CADPS2: variants seen among roughly 807,000 people sequenced by gnomAD.
The protein encoded by CADPS2 is calcium dependent secretion activator 2.
In CADPS2, 93 loss-of-function variants were observed where a neutral mutation model predicts 172.5. The observed-to-expected ratio is 0.54, with a 90% confidence interval of 0.46 to 0.64. The LOEUF (loss-of-function observed/expected upper bound fraction) is 0.64. Among genes scored for constraint, CADPS2 ranks in the 30% least tolerant of loss-of-function variants. The probability of loss-of-function intolerance (pLI) is 0.00; values close to 1 mark genes in which losing one functional copy is unlikely to be tolerated. For missense variants in CADPS2, 1,420 were observed against 1,565.9 expected, an observed-to-expected ratio of 0.91 and a Z score of 1.57; for synonymous variants, 546 against 555.2, an observed-to-expected ratio of 0.98 and a Z score of 0.23.
intron 7 of CADPS2, among the ~76,000 whole-genome samples, 177 bp from the exon 8 acceptor site, chr7:122,554,866 T>A (rs1372371938): frequency 7.0e-6 from 1 of 143,784 alleles, no homozygotes; most frequent in Non-Finnish European, 1.6e-5. Flanking sequence ...AGACTCAATT[T>A]ATTTTTTTGA....
chr7:122,319,340 A>G lies in CADPS2; in HGVS notation c.*825T>C, dbSNP rs1245428567. 3 of 152,216 alleles carry G rather than the reference A, an allele frequency of 2.0e-5. No individual in the cohort carries two copies. Among genetic ancestry groups the G allele is most frequent in the African/African-American group, 7.2e-5 (3 of 41,464 alleles). The allele number at this position is 152,216 out of a possible 1,614,324, so 9.4% of individuals were successfully genotyped here. A position where few individuals can be genotyped will look rare whatever the true frequency, so the allele number is the denominator to read the frequency against. ...GTCAGATAGTTGGGATGTTTGAAAC[A>G]CTGCAAACCTCTTTTACTGCATTTG... On this transcript the variant is annotated 3_prime_UTR_variant, in exon 30 of 30. Coordinates refer to ENST00000449022, the MANE Select transcript of CADPS2 (RefSeq NM_017954.11).
chr7:122,412,990 A>G (rs965691962), intron 19 of CADPS2: 1 of 152,248 alleles, frequency 6.6e-6, no homozygotes, highest in Non-Finnish European at 1.5e-5. Flanking sequence ...TTCTACTTAA[A>G]TTGCAAAACA....
At chr7:122,363,908 T>A (rs571148069) in intron 25 of CADPS2, among the ~76,000 whole-genome samples, 1 of 152,302 alleles carries the variant, frequency 6.6e-6, no homozygotes, top group East Asian at 1.9e-4. Context: ...CAATTAAATC[T>A]ATGGGGCTTC....
At chr7:122,669,664 G>A (rs188436092) in intron 2 of CADPS2, among the ~76,000 whole-genome samples, 24 of 151,916 alleles carry the variant, frequency 1.6e-4, no homozygotes, top group Admixed American at 1.2e-3. Context: ...ATCATAAGGC[G>A]GCTACATTTC....
At chr7:122,663,890 T>C (rs897146213) in intron 2 of CADPS2, among the ~76,000 whole-genome samples, 1 of 152,100 alleles carries the variant, frequency 6.6e-6, no homozygotes, top group Non-Finnish European at 1.5e-5. Flanking sequence ...TTCGTGCTCT[T>C]ATACACAGAC....
In CADPS2 at chr7:122,777,647, T is replaced by C. The variant is rs572502881; in HGVS notation, c.340-40579A>G. Reference sequence around the variant, plus strand: ...TACCTCCATGCTATTCTCATGATAGTGAGCGAGTTCTCATGAGATCTGATG... The same window carrying C: ...TACCTCCATGCTATTCTCATGATAGCGAGCGAGTTCTCATGAGATCTGATG... On this transcript the variant is annotated intron_variant, in intron 1 of 29. Coordinates refer to ENST00000449022, the MANE Select transcript of CADPS2 (RefSeq NM_017954.11). 5.9e-5 allele frequency among the ~76,000 whole-genome samples: 9 copies of C among 152,210 alleles called. No homozygotes were observed. The South Asian group carries it at 1.7e-3, about 28-fold the overall frequency.
chr7:122,535,520 AAT>A (rs749883208), intron 8 of CADPS2, among the ~76,000 whole-genome samples: 11 of 152,028 alleles, frequency 7.2e-5, no homozygotes, highest in South Asian at 2.1e-4. Flanking sequence ...CCAGATAATA[AAT>A]ATGTTTTATT....
chr7:122,382,156 C>G (rs2043092761), intron 24 of CADPS2: 1 of 152,056 alleles, frequency 6.6e-6, no homozygotes, highest in Admixed American at 6.5e-5. Flanking sequence ...AGGTAACTTT[C>G]TTTTTCTTCT....
chr7:122,705,342 A>G (rs1482312389), intron 2 of CADPS2, among the ~76,000 whole-genome samples: 1 of 149,974 alleles, frequency 6.7e-6, no homozygotes, highest in Non-Finnish European at 1.5e-5. Context: ...CATTCTTTCT[A>G]ACAGCCAAAT....
At chr7:122,651,793 A>G (rs975604478) in intron 3 of CADPS2, among the ~76,000 whole-genome samples, 1 of 152,232 alleles carries the variant, frequency 6.6e-6, no homozygotes, top group African/African-American at 2.4e-5. Flanking sequence ...TAGCTATAAA[A>G]TTTAGTTACT....
chr7:122,756,852 A>G (rs2093181575), intron 1 of CADPS2, among the ~76,000 whole-genome samples: 2 of 151,896 alleles, frequency 1.3e-5, no homozygotes, highest in South Asian at 4.2e-4. Flanking sequence ...GTGAGCCAAG[A>G]TTGCGCCACT....
chr7:122,828,009 C>T (rs557424591), intron 1 of CADPS2, among the ~76,000 whole-genome samples: 1 of 152,260 alleles, frequency 6.6e-6, no homozygotes, highest in Non-Finnish European at 1.5e-5. Context: ...GAGGGGAATG[C>T]TTAAGTCCCT....
At chr7:122,761,393 C>G (rs928791927) in intron 1 of CADPS2, among the ~76,000 whole-genome samples, 1 of 142,806 alleles carries the variant, frequency 7.0e-6, no homozygotes, top group Admixed American at 7.0e-5. Flanking sequence ...GAGATGCTCA[C>G]AAAGTAATGC....
In CADPS2 at chr7:122,620,424, GTGTGTGTA is replaced by G. The variant is rs1336776673; in HGVS notation, c.1104+1049_1104+1056del. Among the ~76,000 whole-genome samples the G allele has an allele frequency of 4.6e-5, 7 of 152,092 alleles. No individual in the cohort carries two copies. In the South Asian group the frequency reaches 1.2e-3, roughly 27 times the overall value. On this transcript the variant is annotated intron_variant, in intron 5 of 29. Transcript: ENST00000449022. ...CCTAGGAACTAAAGATGTCAGGTGT[GTGTGTGTA>G]TGTGTGTATGTGTTGTGGTGTACAA...
intron 3 of CADPS2, among the ~76,000 whole-genome samples, chr7:122,654,492 T>C (rs2079521982): frequency 6.6e-6 from 1 of 152,216 alleles, no homozygotes; most frequent in African/African-American, 2.4e-5. Context: ...ATGAGGGATT[T>C]GAAGAATCAT....
chr7:122,681,287 A>G, intron 2 of CADPS2: 1 of 908,854 alleles, frequency 1.1e-6, no homozygotes, highest in Non-Finnish European at 1.8e-6. Flanking sequence ...ATAATAAAAG[A>G]AAGAGCTCTC....
At chr7:122,770,655 A>G (rs978539031) in intron 1 of CADPS2, among the ~76,000 whole-genome samples, 1 of 152,192 alleles carries the variant, frequency 6.6e-6, no homozygotes, top group South Asian at 2.1e-4. Context: ...GCTTGGAGCA[A>G]ATGCAGAGAT....
intron 2 of CADPS2, among the ~76,000 whole-genome samples, chr7:122,705,964 A>AAT (rs1402363297): frequency 6.3e-4 from 1 of 1,596 alleles, no homozygotes; most frequent in African/African-American, 8.2e-4. Flanking sequence ...ATATATATAT[A>AAT]ATATAATATA....
At chr7:122,495,814 G>C (rs989490625) in intron 9 of CADPS2, among the ~76,000 whole-genome samples, 1 of 152,094 alleles carries the variant, frequency 6.6e-6, no homozygotes, top group African/African-American at 2.4e-5. Flanking sequence ...ACCAAGCTTG[G>C]TATTTTAAAT....
Sources: gnomAD v4.1 joint callset for allele counts (sites outside exome capture counted in the v4.1 genomes callset) on GRCh38, gnomAD v4.1.1 for gene constraint, MANE v1.5 for transcripts, NCBI Gene and HGNC (gene_info 2026-07-23, HGNC 2026-07-21) for gene names.